The following RFC3 variants were observed in gnomAD, a reference collection of about 807,000 sequenced individuals.
RFC3 encodes replication factor C subunit 3, also known as A1 38 kDa subunit.
A neutral mutation model predicts 45.1 loss-of-function variants in RFC3; 41 were observed. That is an observed-to-expected ratio of 0.91 (90% CI 0.71 to 1.18). RFC3 has a LOEUF of 1.18. Ranked by LOEUF, RFC3 falls within the 50% of genes most tolerant of loss-of-function variation. The probability of loss-of-function intolerance (pLI) is 0.00; values close to 1 mark genes in which losing one functional copy is unlikely to be tolerated. For synonymous variants in RFC3, 149 were observed against 144.0 expected, an observed-to-expected ratio of 1.03 and a Z score of -0.25; for missense variants, 423 against 428.1, an observed-to-expected ratio of 0.99 and a Z score of 0.10.
chr13:33,948,021 A>G (rs1433312376), intron 8 of RFC3, among the ~76,000 whole-genome samples: 1 of 152,208 alleles, frequency 6.6e-6, no homozygotes, highest in African/African-American at 2.4e-5. Flanking sequence ...AAATTCGCAT[A>G]AGTAATGAGG....
At chr13:33,893,483 A>T (rs528891010) in intron 8 of RFC3, among the ~76,000 whole-genome samples, 24 of 152,202 alleles carry the variant, frequency 1.6e-4, no homozygotes, top group African/African-American at 5.8e-4. Flanking sequence ...AAAAAACAAA[A>T]CAAAACAGCA....
chr13:33,918,524 T>G (rs570715529), intron 8 of RFC3, among the ~76,000 whole-genome samples: 1 of 152,238 alleles, frequency 6.6e-6, no homozygotes, highest in Admixed American at 6.5e-5. Flanking sequence ...GTTGGGTAAT[T>G]AATACAAAGT....
chr13:33,926,205 T>G, intron 8 of RFC3, among the ~76,000 whole-genome samples: 1 of 110,234 alleles, frequency 9.1e-6, no homozygotes, highest in Non-Finnish European at 1.7e-5. Flanking sequence ...CTGGGGACTG[T>G]TGTGGGGTGG....
At chr13:33,910,936 C>T (rs754307336) in intron 8 of RFC3, among the ~76,000 whole-genome samples, 1 of 151,754 alleles carries the variant, frequency 6.6e-6, no homozygotes, top group Non-Finnish European at 1.5e-5. Context: ...TCATGAGAAC[C>T]CTTTCATGAG....
chr13:33,922,104 C>T (rs76169078), intron 8 of RFC3, among the ~76,000 whole-genome samples: 2,272 of 149,896 alleles, frequency 0.015, 45 homozygotes, highest in Admixed American at 0.021. Flanking sequence ...CATCCACAAG[C>T]GAGAATTAGG....
intron 8 of RFC3, among the ~76,000 whole-genome samples, chr13:33,921,926 G>C (rs77201671): frequency 0.12 from 18,455 of 152,134 alleles, 1,423 homozygotes; most frequent in Admixed American, 0.22. Flanking sequence ...TTGGAGTCCA[G>C]TCAGAGAAAT....
intron 8 of RFC3, among the ~76,000 whole-genome samples, chr13:33,921,777 C>A (rs1285866708): frequency 6.6e-6 from 1 of 152,110 alleles, no homozygotes; most frequent in Non-Finnish European, 1.5e-5. Context: ...TTCCTCCAGA[C>A]TTCAAACACA....
chr13:33,888,839 A>G (rs1888048), intron 8 of RFC3, among the ~76,000 whole-genome samples: 46,683 of 150,078 alleles, frequency 0.31, 11,583 homozygotes, highest in African/African-American at 0.67. Flanking sequence ...TCCACCTCCC[A>G]GGTTCACGCC....
intron 8 of RFC3, chr13:33,847,549 A>G (rs2082247155): frequency 1.3e-5 from 2 of 151,852 alleles, no homozygotes; most frequent in African/African-American, 4.8e-5. Context: ...CAGAAATTCC[A>G]TCTCATTGTT....
chr13:33,914,173 C>A (rs2082719678), intron 8 of RFC3, among the ~76,000 whole-genome samples: 1 of 152,022 alleles, frequency 6.6e-6, no homozygotes, highest in Admixed American at 6.6e-5. Context: ...CTTATTTCTA[C>A]TTTTAAGCTA....
In RFC3 at chr13:33,832,386, A is replaced by G. The variant is rs181864541; in HGVS notation, c.809+1032A>G. Among the ~76,000 whole-genome samples the G allele has an allele frequency of 9.4e-4, 143 of 152,332 alleles. 1 individual carries two copies. Among genetic ancestry groups the G allele is most frequent in the Non-Finnish European group, 1.8e-4 (12 of 68,016 alleles). On this transcript the variant is annotated intron_variant, in intron 7 of 8. Transcript: ENST00000380071. ...TTGGTCTAATGAAAATAATAGAGGA[A>G]TATGCCATGTTTCTCCTTTTGTTGA...
chr13:33,894,095 A>G (rs776888903), intron 8 of RFC3, among the ~76,000 whole-genome samples: 1 of 152,212 alleles, frequency 6.6e-6, no homozygotes, highest in Non-Finnish European at 1.5e-5. Context: ...AACTTTTTCC[A>G]ATAAGCAACA....
chr13:33,924,112 A>G (rs1288305664), intron 8 of RFC3, among the ~76,000 whole-genome samples: 1 of 152,154 alleles, frequency 6.6e-6, no homozygotes, highest in East Asian at 1.9e-4. Context: ...ACCTAGGAGG[A>G]AGTGTGCTTA....
chr13:33,860,717 T>C (rs2082335589), intron 8 of RFC3, among the ~76,000 whole-genome samples: 2 of 152,026 alleles, frequency 1.3e-5, no homozygotes, highest in Admixed American at 6.6e-5. Flanking sequence ...GCAGCATGAG[T>C]CCCTGTCATG....
intron 8 of RFC3, among the ~76,000 whole-genome samples, chr13:33,855,370 C>G (rs1388604933): frequency 6.6e-6 from 1 of 152,084 alleles, no homozygotes; most frequent in Non-Finnish European, 1.5e-5. Context: ...TTTCTTTACC[C>G]AGTCTACCAT....
At chr13:33,972,265 A>G in the RFC3 span, among the ~76,000 whole-genome samples, 1 of 152,216 alleles carries the variant, frequency 6.6e-6, no homozygotes, top group African/African-American at 2.4e-5. Context: ...TACCTTTATT[A>G]CAGCCCCTTC....
intron 8 of RFC3, among the ~76,000 whole-genome samples, chr13:33,946,973 G>A (rs144698088): frequency 0.023 from 3,436 of 152,180 alleles, 58 homozygotes; most frequent in South Asian, 0.031. Flanking sequence ...GAAAGTATAC[G>A]TTCATCAAGA....
intron 8 of RFC3, among the ~76,000 whole-genome samples, chr13:33,861,351 G>A (rs556843088): frequency 6.6e-6 from 1 of 152,310 alleles, no homozygotes; most frequent in South Asian, 2.1e-4. Context: ...AGGGAGGCTG[G>A]GTGTGGTGGC....
chr13:33,941,861 G>A (rs2082926353), intron 8 of RFC3, among the ~76,000 whole-genome samples: 1 of 152,002 alleles, frequency 6.6e-6, no homozygotes, highest in Admixed American at 6.6e-5. Flanking sequence ...ATCAATTGAG[G>A]ACACTGATCA....
Sources: allele counts gnomAD v4.1 joint callset (sites outside exome capture counted in the v4.1 genomes callset), GRCh38; gene constraint gnomAD v4.1.1; transcripts MANE v1.5; gene names NCBI Gene and HGNC (gene_info 2026-07-23, HGNC 2026-07-21).